Variants in PROM1 observed in about 807,000 individuals in gnomAD.
The protein encoded by PROM1 is prominin 1.
In PROM1, 105 loss-of-function variants were observed where a neutral mutation model predicts 116.9. The ratio of observed to expected loss-of-function variants is 0.90; its 90% CI spans 0.77 to 1.06. PROM1 has a LOEUF of 1.06. PROM1 is among the 50% of genes least tolerant of loss of function. The pLI is 0.00. For synonymous variants in PROM1, 393 were observed against 387.0 expected (o/e 1.02, Z -0.18); for missense variants, 1,122 against 1,045.2 (o/e 1.07, Z -1.01).
At chr4:16,017,564 T>C (rs1047642974) in intron 9 of PROM1, among the ~76,000 whole-genome samples, 3 of 152,230 alleles carry the variant, frequency 2.0e-5, no homozygotes, top group African/African-American at 7.2e-5. Flanking sequence ...CTCATGCCTG[T>C]AATCCCAGAA....
At chr4:16,003,935 T>C (rs866881712) in intron 13 of PROM1, among the ~76,000 whole-genome samples, 7 of 152,236 alleles carry the variant, frequency 4.6e-5, no homozygotes, top group Admixed American at 3.3e-4. Context: ...AAAGAGACCA[T>C]GCTCTTGATT....
At chr4:16,022,790 AG>A (rs890341960) in intron 8 of PROM1, among the ~76,000 whole-genome samples, 3 of 152,142 alleles carry the variant, frequency 2.0e-5, no homozygotes, top group African/African-American at 7.2e-5. Flanking sequence ...TTGACCATGG[AG>A]GCTTAAGATA....
rs577718431 is a variant in PROM1, at chr4:15,997,450, T to TAC, written c.1682+933_1682+934dup. 2.7e-3 allele frequency among the ~76,000 whole-genome samples: 411 copies of TAC among 151,418 alleles called. 1 individual carries two copies. Among genetic ancestry groups the TAC allele is most frequent in the African/African-American group, 9.7e-3 (401 of 41,268 alleles). On this transcript the variant is annotated intron_variant, in intron 15 of 27. Coordinates refer to ENST00000447510, the MANE Select transcript of PROM1 (RefSeq NM_006017.3). ...GGTCAGGAGTTGTTATATATATATA[T>TAC]ACATAGTTTTTTTGTTTTCTTTTTT...
intron 18 of PROM1, among the ~76,000 whole-genome samples, chr4:15,990,590 C>A (rs886094644): frequency 5.9e-5 from 9 of 152,108 alleles, no homozygotes; most frequent in South Asian, 2.1e-4. Flanking sequence ...GGAAACAGAT[C>A]CAGAGCTAAA....
chr4:15,982,860 G>A (rs912177751), intron 23 of PROM1, among the ~76,000 whole-genome samples: 9 of 152,164 alleles, frequency 5.9e-5, no homozygotes, highest in African/African-American at 9.7e-5. Flanking sequence ...TGGTTGGGTC[G>A]GAGGCAGAAT....
intron 2 of PROM1, among the ~76,000 whole-genome samples, chr4:16,039,419 G>C (rs372109340): frequency 7.2e-5 from 11 of 152,120 alleles, no homozygotes; most frequent in Admixed American, 7.2e-4. Flanking sequence ...ATTTTACAAA[G>C]GAATGGATGA....
At chr4:16,059,444 C>T (rs1380872978) in intron 2 of PROM1, among the ~76,000 whole-genome samples, 3 of 152,208 alleles carry the variant, frequency 2.0e-5, no homozygotes, top group African/African-American at 7.2e-5. Context: ...AAGCTCACAT[C>T]TATAATCCCA....
At chr4:16,045,680 A>G (rs943784547) in intron 2 of PROM1, among the ~76,000 whole-genome samples, 12 of 152,192 alleles carry the variant, frequency 7.9e-5, no homozygotes, top group African/African-American at 2.7e-4. Flanking sequence ...CACATGACAC[A>G]TGCAGAGACT....
Position 16,018,536 on chromosome 4 carries a change from G to C in PROM1, c.789C>G (p.Ile263Met), listed in dbSNP as rs150322691. 2.8e-5 allele frequency: 45 copies of C among 1,604,674 alleles called. No individual in the cohort carries two copies. The African/African-American group carries it at 4.9e-4, about 18-fold the overall frequency. The change falls in exon 9 of 28, where the codon ATC becomes ATG. Residue 263 changes from isoleucine (I) to methionine (M), a missense_variant. By Grantham distance (10) the Ile-to-Met change is conservative (BLOSUM62 1). Coordinates refer to ENST00000447510, the MANE Select transcript of PROM1 (RefSeq NM_006017.3). Reference sequence around the variant, plus strand: ...TCTCCAACGCCTCTTTGGTCTCCTTGATCGCTATGGAAACACAGCCCGCTT... The same window carrying C: ...TCTCCAACGCCTCTTTGGTCTCCTTCATCGCTATGGAAACACAGCCCGCTT... ...LDEIKSMATA[I>M]KETKEALENM...
At chr4:15,979,731 T>A (rs1717270885) in intron 25 of PROM1, 150 bp downstream of exon 25, 2 of 889,808 alleles carry the variant, frequency 2.2e-6, no homozygotes, top group African/African-American at 1.7e-5. Flanking sequence ...ACCCTCTTTT[T>A]AAGACCATTG....
intron 14 of PROM1, 21 bp downstream of exon 14, chr4:16,000,475 T>C (rs1723478572): frequency 6.4e-7 from 1 of 1,551,826 alleles, no homozygotes; most frequent in South Asian, 1.2e-5. Flanking sequence ...CCTTTCATAA[T>C]GGGTAGAAAA....
intron 7 of PROM1, 24 bp from the exon 8 acceptor site, chr4:16,023,439 T>TCAC: frequency 6.5e-7 from 1 of 1,535,480 alleles, no homozygotes; most frequent in Non-Finnish European, 8.9e-7. Context: ...AGCACAAAGA[T>TCAC]GGTGAGGGTG....
chr4:15,980,753 T>A (rs989127104), intron 23 of PROM1, among the ~76,000 whole-genome samples: 15 of 152,152 alleles, frequency 9.9e-5, no homozygotes, highest in African/African-American at 3.6e-4. Flanking sequence ...CTAAAAACCT[T>A]GAGTAGATCC....
intron 18 of PROM1, 137 bp downstream of exon 18, chr4:15,991,085 G>C: frequency 1.5e-6 from 1 of 677,886 alleles, no homozygotes; most frequent in Non-Finnish European, 2.5e-6. Flanking sequence ...GAAACGTAAT[G>C]ACACACACAA....
chr4:16,051,818 TATTC>T lies in PROM1; in HGVS notation c.221-12821_221-12818del, dbSNP rs1191546761. Among the ~76,000 whole-genome samples the T allele has an allele frequency of 5.3e-5, 8 of 152,266 alleles. No individual in the cohort carries two copies. In the East Asian group the frequency reaches 1.5e-3, roughly 29 times the overall value. ...CGGCATTTTAACAGAGTCTTCCAAT[TATTC>T]ATCGCAGCTGAGAGCAGAGTCAGAA... On this transcript the variant is annotated intron_variant, in intron 2 of 27. Coordinates refer to ENST00000447510, the MANE Select transcript of PROM1 (RefSeq NM_006017.3).
At chr4:16,038,864 A>T (rs1248379748) in intron 3 of PROM1, 82 bp downstream of exon 3, 10 of 1,318,918 alleles carry the variant, frequency 7.6e-6, no homozygotes, top group Non-Finnish European at 9.0e-6. Context: ...ATAACTGGTT[A>T]TTTAAAGATT....
In PROM1 at chr4:16,075,761, G is replaced by A; in HGVS notation, c.146C>T (p.Ala49Val). ...TTCAAAGAGAATGCCAATGGGTCCA[G>A]CTTTATGGGAGTCTTGGGTCTCATA... is the stretch of plus-strand genomic sequence containing the variant. ...TNYETQDSHK[A>V]GPIGILFELV... is the part of the protein sequence containing the mutation. The change falls in exon 2 of 28, where the codon GCT becomes GTT. Residue 49 changes from alanine (A) to valine (V), a missense_variant. Transcript: ENST00000447510. The A allele has an allele frequency of 6.2e-7, 1 of 1,613,834 alleles. No homozygotes were observed. The highest frequency in any genetic ancestry group is 8.5e-7 in the Non-Finnish European group (1 of 1,179,850).
Position 15,985,346 on chromosome 4 carries a change from A to G in PROM1, c.2280+414T>C, listed in dbSNP as rs147864404. ...CCCATGGATACTGAGGGACAATTGTATATATTTTAAAGCAAGATCCTTATT... is the reference window on the plus strand; with the variant it reads ...CCCATGGATACTGAGGGACAATTGTGTATATTTTAAAGCAAGATCCTTATT... On this transcript the variant is annotated intron_variant, in intron 22 of 27. Coordinates refer to ENST00000447510, the MANE Select transcript of PROM1 (RefSeq NM_006017.3). Among the ~76,000 whole-genome samples, 302 of 152,286 alleles carry G rather than the reference A, an allele frequency of 2.0e-3. 4 individuals carry two copies. The East Asian group carries it at 0.026, about 13-fold the overall frequency.
intron 1 of PROM1, 96 bp downstream of exon 1, chr4:16,083,881 CG>C (rs1043499905): frequency 5.1e-4 from 77 of 152,344 alleles, no homozygotes; most frequent in African/African-American, 1.8e-3. Context: ...GAGAAAGGCC[CG>C]GGTGCCCGGG....
Sources: gnomAD v4.1 joint callset for allele counts (sites outside exome capture counted in the v4.1 genomes callset) on GRCh38, gnomAD v4.1.1 for gene constraint, MANE v1.5 for transcripts, NCBI Gene and HGNC (gene_info 2026-07-23, HGNC 2026-07-21) for gene names.